Variants in THSD4 observed in about 807,000 individuals in gnomAD.
The protein encoded by THSD4 is thrombospondin type 1 domain containing 4, also known as thrombospondin type-1 domain-containing protein 4.
A neutral mutation model predicts 119.0 loss-of-function variants in THSD4; 69 were observed. That is an observed-to-expected ratio of 0.58 (90% CI 0.48 to 0.71). The LOEUF is 0.71. THSD4 is among the 30% of genes least tolerant of loss of function. The pLI is 0.00. For synonymous variants in THSD4, 524 were observed against 540.4 expected, an observed-to-expected ratio of 0.97 and a Z score of 0.42; for missense variants, 1,393 against 1,391.1, an observed-to-expected ratio of 1.00 and a Z score of -0.02.
At position 71,680,890 on chromosome 15, in the gene THSD4, A is replaced by G. The variant is rs140228613; in HGVS notation, c.1357+20156A>G. Among the ~76,000 whole-genome samples the G allele has an allele frequency of 2.6e-3, 401 of 152,166 alleles. 1 individual carries two copies. The highest frequency in any genetic ancestry group is 4.8e-3 in the Non-Finnish European group (325 of 68,004). ...ATGACTGGCACAAAATACTTATTCA[A>G]TAAACATCAGATGTCATTACTAGTA... On this transcript the variant is annotated intron_variant, in intron 8 of 17. Transcript: ENST00000261862.
chr15:71,265,263 A>G (rs1210111106), intron 6 of THSD4, among the ~76,000 whole-genome samples: 1 of 152,102 alleles, frequency 6.6e-6, no homozygotes, highest in African/African-American at 2.4e-5. Context: ...CCAGCTTATC[A>G]CACTGGGACT....
Position 71,731,168 on chromosome 15 carries a change from C to T in THSD4, c.1581C>T (p.Ile527=). 1 of 1,614,192 alleles carries T rather than the reference C, an allele frequency of 6.2e-7. No individual in the cohort carries two copies. Among genetic ancestry groups the T allele is most frequent in the Non-Finnish European group, 8.5e-7 (1 of 1,180,018 alleles). The change falls in exon 10 of 18, where the codon ATC becomes ATT. Residue 527 remains isoleucine (I), a synonymous_variant. Coordinates refer to ENST00000261862, the MANE Select transcript of THSD4 (RefSeq NM_024817.3). Reference sequence around the variant, plus strand: ...CAGGCGTGCACTACGAGTACGTGATCATGGGGACCAACGCCATCAGCCCCC... The same window carrying T: ...CAGGCGTGCACTACGAGTACGTGATTATGGGGACCAACGCCATCAGCCCCC... The part of the protein sequence containing the change: ...PNPGVHYEYV[I]MGTNAISPQV...
At chr15:71,288,531 T>C (rs1024114890) in intron 6 of THSD4, among the ~76,000 whole-genome samples, 1 of 152,150 alleles carries the variant, frequency 6.6e-6, no homozygotes, top group Non-Finnish European at 1.5e-5. Flanking sequence ...CCCTGACTTA[T>C]CTTACCATTC....
rs759959491 is a variant in THSD4, at chr15:71,281,767, A to G, written c.1015+25052A>G. On this transcript the variant is annotated intron_variant, in intron 6 of 17. Coordinates refer to ENST00000261862, the MANE Select transcript of THSD4 (RefSeq NM_024817.3). Reference sequence around the variant, plus strand: ...CCATTTGATAAATGAGTTTGTATATATGAAAGGCACTTGTTCAGTAATTAT... The same window carrying G: ...CCATTTGATAAATGAGTTTGTATATGTGAAAGGCACTTGTTCAGTAATTAT... Among the ~76,000 whole-genome samples the G allele has an allele frequency of 3.3e-5, 5 of 152,228 alleles. No homozygotes were observed. In the East Asian group the frequency reaches 9.6e-4, roughly 29 times the overall value.
chr15:71,731,871 G>A (rs985379715), intron 10 of THSD4: 2 of 152,436 alleles, frequency 1.3e-5, no homozygotes, highest in South Asian at 2.1e-4. Flanking sequence ...CAAAATGAAG[G>A]TGTCATCAGG....
chr15:71,577,701 C>G (rs370828183), intron 7 of THSD4, among the ~76,000 whole-genome samples: 1 of 14,438 alleles, frequency 6.9e-5, no homozygotes, highest in Non-Finnish European at 2.8e-4. Flanking sequence ...CTGGTGCAAC[C>G]TTTATTTATT....
intron 6 of THSD4, among the ~76,000 whole-genome samples, chr15:71,276,746 A>G (rs549692711): frequency 6.6e-6 from 1 of 152,356 alleles, no homozygotes; most frequent in South Asian, 2.1e-4. Flanking sequence ...GCATTCTTTA[A>G]TGGCAGGGAA....
rs377580453 is a variant in THSD4 at position 71,354,759 on chromosome 15, T to G, written c.1016-56928T>G. 1.6e-4 allele frequency among the ~76,000 whole-genome samples: 24 copies of G among 152,352 alleles called. 1 individual carries two copies. The highest frequency in any genetic ancestry group is 5.8e-4 in the African/African-American group (24 of 41,590). The stretch of plus-strand genomic sequence containing the variant: ...CCTCTTCAGGTTAAAGCGTGAAGAC[T>G]AGATTATCCTAAATTTCCTAATCCA... On this transcript the variant is annotated intron_variant, in intron 6 of 17. Transcript: ENST00000261862.
intron 7 of THSD4, among the ~76,000 whole-genome samples, chr15:71,454,917 C>G (rs1359575288): frequency 1.3e-5 from 2 of 152,230 alleles, no homozygotes; most frequent in Non-Finnish European, 2.9e-5. Flanking sequence ...TAAACACTCT[C>G]TCCTTCCAAA....
chr15:71,549,353 C>T (rs1414201309), intron 7 of THSD4, among the ~76,000 whole-genome samples: 2 of 151,958 alleles, frequency 1.3e-5, no homozygotes, highest in African/African-American at 4.8e-5. Flanking sequence ...CTAGTGTGTG[C>T]ATGTGTGTGC....
intron 8 of THSD4, among the ~76,000 whole-genome samples, chr15:71,706,154 C>T (rs991495423): frequency 1.3e-5 from 2 of 152,220 alleles, no homozygotes; most frequent in Non-Finnish European, 2.9e-5. Flanking sequence ...GCTGGCCTTC[C>T]GAACAGAAGA....
intron 8 of THSD4, among the ~76,000 whole-genome samples, chr15:71,687,868 A>G (rs1453106849): frequency 6.6e-6 from 1 of 152,116 alleles, no homozygotes; most frequent in Non-Finnish European, 1.5e-5. Context: ...AAAGTATGCC[A>G]ATATGCAAAT....
chr15:71,677,076 A>C (rs144109859), intron 8 of THSD4, among the ~76,000 whole-genome samples: 9 of 152,210 alleles, frequency 5.9e-5, no homozygotes, highest in Admixed American at 2.0e-4. Context: ...CAGAGTTTCA[A>C]TGTCTCCACA....
intron 7 of THSD4, among the ~76,000 whole-genome samples, chr15:71,442,890 T>C (rs762076406): frequency 6.6e-6 from 1 of 151,266 alleles, no homozygotes; most frequent in Non-Finnish European, 1.5e-5. Flanking sequence ...GTTGCTCCTT[T>C]TACTGTGTTT....
At chr15:71,391,492 A>T (rs542081381) in intron 6 of THSD4, among the ~76,000 whole-genome samples, 1 of 152,204 alleles carries the variant, frequency 6.6e-6, no homozygotes, top group Non-Finnish European at 1.5e-5. Context: ...TTGGCTAAAT[A>T]TATCCAAGAG....
intron 3 of THSD4, among the ~76,000 whole-genome samples, chr15:71,156,612 A>G (rs1425531992): frequency 1.3e-5 from 2 of 152,188 alleles, no homozygotes; most frequent in Admixed American, 1.3e-4. Flanking sequence ...GGGGCCAAGA[A>G]AAAAGAGTAT....
chr15:71,519,663 G>A (rs901476702), intron 7 of THSD4, among the ~76,000 whole-genome samples: 3 of 152,210 alleles, frequency 2.0e-5, no homozygotes, highest in African/African-American at 7.2e-5. Context: ...TGCCTAGCCT[G>A]AATTAAGTGT....
chr15:71,487,530 A>C (rs908998384), intron 7 of THSD4, among the ~76,000 whole-genome samples: 2 of 152,250 alleles, frequency 1.3e-5, no homozygotes, highest in Non-Finnish European at 2.9e-5. Context: ...CAACCAGTGT[A>C]TAAGGGCCAA....
intron 7 of THSD4, among the ~76,000 whole-genome samples, chr15:71,570,955 G>A (rs529579990): frequency 1.3e-5 from 2 of 152,276 alleles, no homozygotes; most frequent in East Asian, 3.9e-4. Context: ...GTACAGACGT[G>A]GCTGCGCCTC....
Sources: gnomAD v4.1 joint callset for allele counts (sites outside exome capture counted in the v4.1 genomes callset) on GRCh38, gnomAD v4.1.1 for gene constraint, MANE v1.5 for transcripts, NCBI Gene and HGNC (gene_info 2026-07-23, HGNC 2026-07-21) for gene names.